The following ENOX1 variants were observed in gnomAD, a reference collection of about 807,000 sequenced individuals.
ENOX1 encodes candidate growth-related and time keeping constitutive hydroquinone (NADH) oxidase.
A neutral mutation model predicts 82.5 loss-of-function variants in ENOX1; 42 were observed. That is an observed-to-expected ratio of 0.51 (90% CI 0.40 to 0.66). The LOEUF is 0.66. Ranked by LOEUF, ENOX1 falls within the 30% of genes least tolerant of loss-of-function variation. The probability of loss-of-function intolerance (pLI) is 0.00; values close to 1 mark genes in which losing one functional copy is unlikely to be tolerated. For synonymous variants in ENOX1, 271 were observed against 282.2 expected (o/e 0.96, Z 0.40); for missense variants, 608 against 811.6 (o/e 0.75, Z 3.05).
chr13:43,385,251 G>C (rs1489604423), intron 5 of ENOX1, among the ~76,000 whole-genome samples: 1 of 152,050 alleles, frequency 6.6e-6, no homozygotes, highest in Non-Finnish European at 1.5e-5. Context: ...GATTAATTTT[G>C]AGAGGAAACT....
At position 43,365,962 on chromosome 13, in the gene ENOX1, G is replaced by A. The variant is rs965543202; in HGVS notation, c.209-4510C>T. On this transcript the variant is annotated intron_variant, in intron 5 of 16. Coordinates refer to ENST00000690772, the MANE Select transcript of ENOX1 (RefSeq NM_001347969.2). ...TGCAATTGTGCTGCTTCTTTTTCCA[G>A]AATTACTGGGTTAAAATTACTGACC... Among the ~76,000 whole-genome samples the A allele has an allele frequency of 7.2e-5, 11 of 152,214 alleles. No homozygotes were observed. In the South Asian group the frequency reaches 2.3e-3, roughly 31 times the overall value.
intron 3 of ENOX1, among the ~76,000 whole-genome samples, chr13:43,427,523 C>T (rs1480704832): frequency 6.6e-6 from 1 of 152,158 alleles, no homozygotes; most frequent in African/African-American, 2.4e-5. Flanking sequence ...CTAGAAGGTT[C>T]CTCTGGGTTT....
chr13:43,716,575 GGAAAA>G (rs2088150600), intron 1 of ENOX1, among the ~76,000 whole-genome samples: 1 of 152,132 alleles, frequency 6.6e-6, no homozygotes, highest in African/African-American at 2.4e-5. Context: ...TATCCAAATA[GGAAAA>G]GAAGTCAAAT....
At chr13:43,269,806 T>TCATATTTCATA (rs2044584462) in intron 12 of ENOX1, among the ~76,000 whole-genome samples, 1 of 152,246 alleles carries the variant, frequency 6.6e-6, no homozygotes, top group Non-Finnish European at 1.5e-5. Flanking sequence ...TTTTCATATT[T>TCATATTTCATA]GTGAAGGCAT....
intron 1 of ENOX1, among the ~76,000 whole-genome samples, chr13:43,669,306 C>T (rs1008402171): frequency 1.1e-4 from 17 of 152,156 alleles, no homozygotes; most frequent in Admixed American, 2.0e-4. Context: ...AAAGTATGCA[C>T]TCCCCTCTCT....
intron 2 of ENOX1, among the ~76,000 whole-genome samples, chr13:43,651,688 C>T (rs1249435951): frequency 1.8e-5 from 1 of 56,064 alleles, no homozygotes; most frequent in South Asian, 5.5e-4. Context: ...CATAGCGAGA[C>T]TCTGTCTAAA....
At chr13:43,508,587 G>A (rs2077258502) in intron 2 of ENOX1, among the ~76,000 whole-genome samples, 1 of 151,834 alleles carries the variant, frequency 6.6e-6, no homozygotes, top group Non-Finnish European at 1.5e-5. Context: ...AGAACTTCTG[G>A]GTTTTCCTCT....
At chr13:43,369,897 G>A (rs1406969518) in intron 5 of ENOX1, among the ~76,000 whole-genome samples, 1 of 152,234 alleles carries the variant, frequency 6.6e-6, no homozygotes, top group Non-Finnish European at 1.5e-5. Flanking sequence ...GGGGTCTGGA[G>A]CTTGGAGGTG....
chr13:43,360,768 A>G (rs1396423164), intron 6 of ENOX1, among the ~76,000 whole-genome samples: 1 of 152,162 alleles, frequency 6.6e-6, no homozygotes, highest in Non-Finnish European at 1.5e-5. Flanking sequence ...CTGAGGCAAA[A>G]TTAAAAAAAT....
intron 2 of ENOX1, among the ~76,000 whole-genome samples, chr13:43,578,570 A>T (rs570111689): frequency 6.6e-6 from 1 of 152,284 alleles, no homozygotes; most frequent in Non-Finnish European, 1.5e-5. Flanking sequence ...TCCCTTCATA[A>T]GTAGCGTCAC....
At chr13:43,558,439 G>A (rs1046803439) in intron 2 of ENOX1, among the ~76,000 whole-genome samples, 5 of 152,174 alleles carry the variant, frequency 3.3e-5, no homozygotes, top group African/African-American at 1.2e-4. Context: ...TACTGGATGG[G>A]CTACCAGGTT....
chr13:43,531,818 G>T (rs868628986), intron 2 of ENOX1, among the ~76,000 whole-genome samples: 1 of 149,428 alleles, frequency 6.7e-6, no homozygotes, highest in African/African-American at 2.5e-5. Flanking sequence ...GCAAACTATC[G>T]CAAGGACAAA....
At chr13:43,590,775 C>CAAAA (rs35099290) in intron 2 of ENOX1, among the ~76,000 whole-genome samples, 9 of 130,652 alleles carry the variant, frequency 6.9e-5, no homozygotes, top group African/African-American at 2.0e-4. Flanking sequence ...AACTTCATCT[C>CAAAA]AAAAAAAAAA....
intron 2 of ENOX1, among the ~76,000 whole-genome samples, chr13:43,625,839 G>A: frequency 6.6e-6 from 1 of 151,976 alleles, no homozygotes; most frequent in South Asian, 2.1e-4. Context: ...TAGTATCAAG[G>A]AAATACTAGC....
At chr13:43,734,185 A>C (rs774109256) in intron 1 of ENOX1, among the ~76,000 whole-genome samples, 1 of 151,280 alleles carries the variant, frequency 6.6e-6, no homozygotes, top group Non-Finnish European at 1.5e-5. Flanking sequence ...GAACTAAGAG[A>C]CAATTTTGTT....
chr13:43,291,183 A>C (rs1231967945), intron 12 of ENOX1, among the ~76,000 whole-genome samples: 1 of 152,082 alleles, frequency 6.6e-6, no homozygotes, highest in Non-Finnish European at 1.5e-5. Flanking sequence ...GCGGTTTTTA[A>C]CTGGAGAGGA....
At chr13:43,390,351 T>G (rs1453240740) in intron 5 of ENOX1, among the ~76,000 whole-genome samples, 1 of 150,506 alleles carries the variant, frequency 6.6e-6, no homozygotes, top group Non-Finnish European at 1.5e-5. Flanking sequence ...TAATAATAAC[T>G]TCAATGGACA....
intron 2 of ENOX1, among the ~76,000 whole-genome samples, chr13:43,534,341 C>T (rs1214666937): frequency 2.0e-5 from 3 of 152,092 alleles, no homozygotes; most frequent in African/African-American, 7.2e-5. Flanking sequence ...CCACACTCCT[C>T]GTCCACAGCC....
At chr13:43,400,893 T>G (rs1228092256) in intron 5 of ENOX1, among the ~76,000 whole-genome samples, 1 of 152,226 alleles carries the variant, frequency 6.6e-6, no homozygotes, top group African/African-American at 2.4e-5. Context: ...TTTAATCATT[T>G]GCCCCCAAAT....
Sources: allele counts gnomAD v4.1 joint callset (sites outside exome capture counted in the v4.1 genomes callset), GRCh38; gene constraint gnomAD v4.1.1; transcripts MANE v1.5; gene names NCBI Gene and HGNC (gene_info 2026-07-23, HGNC 2026-07-21).